ENTREP2: variants seen among roughly 807,000 people sequenced by gnomAD.
The protein encoded by ENTREP2 is endosomal transmembrane epsin interactor 2, also known as protein ENTREP2.
chr15:29,239,134 G>A, the ENTREP2 span, among the ~76,000 whole-genome samples: 3 of 152,142 alleles, frequency 2.0e-5, no homozygotes, highest in Non-Finnish European at 4.4e-5. Context: ...GCCACATGAA[G>A]GGAGGAAACC....
chr15:29,569,091 A>C, the ENTREP2 span, among the ~76,000 whole-genome samples: 4 of 152,172 alleles, frequency 2.6e-5, no homozygotes, highest in East Asian at 7.7e-4. Context: ...AATGGTAAAA[A>C]CTGAGCAATA....
chr15:29,210,764 C>T, the ENTREP2 span, among the ~76,000 whole-genome samples: 1 of 152,190 alleles, frequency 6.6e-6, no homozygotes, highest in Non-Finnish European at 1.5e-5. Flanking sequence ...GGCCCTTCCT[C>T]TTGGAAACTG....
At chr15:29,362,112 G>T in the ENTREP2 span, among the ~76,000 whole-genome samples, 1 of 151,958 alleles carries the variant, frequency 6.6e-6, no homozygotes, top group African/African-American at 2.4e-5. Flanking sequence ...TCCCAGAGAC[G>T]GCCCCCACTC....
the ENTREP2 span, among the ~76,000 whole-genome samples, chr15:29,518,436 A>G: frequency 6.6e-6 from 1 of 152,202 alleles, no homozygotes; most frequent in Non-Finnish European, 1.5e-5. Flanking sequence ...GACATTTCTA[A>G]AAAAACAAAT....
the ENTREP2 span, among the ~76,000 whole-genome samples, chr15:29,131,505 C>T: frequency 2.0e-5 from 3 of 148,946 alleles, no homozygotes; most frequent in Non-Finnish European, 3.0e-5. Context: ...GATTTCAGCC[C>T]TGGGGTGCTG....
chr15:29,346,708 T>C, the ENTREP2 span, among the ~76,000 whole-genome samples: 3 of 152,226 alleles, frequency 2.0e-5, no homozygotes, highest in Admixed American at 6.5e-5. Context: ...TTAAAGCTTA[T>C]TATCCTCTGT....
At chr15:29,450,134 G>C in the ENTREP2 span, among the ~76,000 whole-genome samples, 1 of 152,082 alleles carries the variant, frequency 6.6e-6, no homozygotes, top group Non-Finnish European at 1.5e-5. Context: ...GTTCCTTGTA[G>C]ATTCTGAATA....
chr15:29,670,350 C>G, the ENTREP2 span, among the ~76,000 whole-genome samples: 4 of 152,150 alleles, frequency 2.6e-5, no homozygotes, highest in Non-Finnish European at 5.9e-5. Context: ...TGAAGGGTCT[C>G]GCCCAGAACA....
chr15:29,228,947 ATCTTT>A, the ENTREP2 span, among the ~76,000 whole-genome samples: 2 of 152,122 alleles, frequency 1.3e-5, no homozygotes, highest in Non-Finnish European at 2.9e-5. Flanking sequence ...TAATTGGTGA[ATCTTT>A]TCTTTTCTTT....
the ENTREP2 span, among the ~76,000 whole-genome samples, chr15:29,598,060 T>A: frequency 6.6e-6 from 1 of 152,076 alleles, no homozygotes; most frequent in East Asian, 1.9e-4. Context: ...GAGGCAGAGG[T>A]TGCAGTGAGG....
At chr15:29,626,930 G>A in the ENTREP2 span, among the ~76,000 whole-genome samples, 2 of 152,138 alleles carry the variant, frequency 1.3e-5, no homozygotes, top group African/African-American at 4.8e-5. Context: ...ATTGTTGCCA[G>A]TCTTGAGATA....
the ENTREP2 span, among the ~76,000 whole-genome samples, chr15:29,394,878 ATCTCTTTTTTTT>A: frequency 3.0e-4 from 13 of 42,952 alleles, no homozygotes; most frequent in South Asian, 7.3e-4. Flanking sequence ...ATGTGTCAGA[ATCTCTTTTTTTT>A]TTTTTTTTTT....
At chr15:29,444,448 C>T in the ENTREP2 span, among the ~76,000 whole-genome samples, 1 of 151,450 alleles carries the variant, frequency 6.6e-6, no homozygotes, top group African/African-American at 2.4e-5. Context: ...CTGGGGTCCA[C>T]AGCTTCCTTC....
At chr15:29,399,272 A>G in the ENTREP2 span, among the ~76,000 whole-genome samples, 1 of 152,218 alleles carries the variant, frequency 6.6e-6, no homozygotes, top group Non-Finnish European at 1.5e-5. Flanking sequence ...GGACCCAATT[A>G]AAACACTCCA....
chr15:29,551,620 T>C, the ENTREP2 span, among the ~76,000 whole-genome samples: 1 of 152,136 alleles, frequency 6.6e-6, no homozygotes, highest in Non-Finnish European at 1.5e-5. Context: ...ATGGTTCTTT[T>C]CTATTAAAAA....
At chr15:29,230,336 C>A in the ENTREP2 span, among the ~76,000 whole-genome samples, 1 of 152,124 alleles carries the variant, frequency 6.6e-6, no homozygotes, top group Non-Finnish European at 1.5e-5. Flanking sequence ...GAAGTAATCC[C>A]TACAGCTCTT....
chr15:29,265,996 C>T, the ENTREP2 span: 1 of 152,074 alleles, frequency 6.6e-6, no homozygotes, highest in Non-Finnish European at 1.5e-5. Flanking sequence ...CACTAATGAT[C>T]GTAACACATT....
chr15:29,622,571 T>C, the ENTREP2 span, among the ~76,000 whole-genome samples: 2 of 152,112 alleles, frequency 1.3e-5, no homozygotes, highest in African/African-American at 2.4e-5. Flanking sequence ...TAAGGAGAAA[T>C]GTTGAAACTA....
chr15:29,277,666 AGGCCACGAACTGGTACT>A, the ENTREP2 span, among the ~76,000 whole-genome samples: 1 of 152,188 alleles, frequency 6.6e-6, no homozygotes, highest in South Asian at 2.1e-4. Flanking sequence ...GGTTCCTAAC[AGGCCACGAACTGGTACT>A]GGTCCACAGC....
Sources: allele counts gnomAD v4.1 joint callset (sites outside exome capture counted in the v4.1 genomes callset), GRCh38; gene constraint gnomAD v4.1.1; transcripts MANE v1.5; gene names NCBI Gene and HGNC (gene_info 2026-07-23, HGNC 2026-07-21).